The following PRKG1 variants were observed in gnomAD, a reference collection of about 807,000 sequenced individuals.
PRKG1 encodes cGMP-dependent protein kinase 1.
In PRKG1, 35 loss-of-function variants were observed where a neutral mutation model predicts 88.1. The observed-to-expected ratio is 0.40, with a 90% CI of 0.30 to 0.53. The LOEUF (loss-of-function observed/expected upper bound fraction) is 0.53. Ranked by LOEUF, PRKG1 falls within the 20% of genes least tolerant of loss-of-function variation. The probability of loss-of-function intolerance (pLI) is 0.59; values close to 1 mark genes in which losing one functional copy is unlikely to be tolerated. For synonymous variants in PRKG1, 303 were observed against 292.5 expected (o/e 1.04, Z -0.37); for missense variants, 540 against 839.8 (o/e 0.64, Z 4.41).
chr10:51,713,414 C>T (rs1841808595), intron 3 of PRKG1, among the ~76,000 whole-genome samples: 2 of 152,120 alleles, frequency 1.3e-5, no homozygotes, highest in African/African-American at 2.4e-5. Flanking sequence ...ATTATTTTGC[C>T]AAGAAAATTT....
chr10:51,090,732 C>T (rs575549525), intron 1 of PRKG1, among the ~76,000 whole-genome samples: 3 of 152,092 alleles, frequency 2.0e-5, no homozygotes, highest in East Asian at 3.9e-4. Flanking sequence ...ACATTTGCAG[C>T]CACTATATAT....
Position 51,074,914 on chromosome 10 carries a change from G to A in PRKG1, c.311+13G>A. On this transcript the variant is annotated intron_variant, in intron 1 of 17. Coordinates refer to ENST00000373980, the MANE Select transcript of PRKG1 (RefSeq NM_006258.4). ...CCAAGAGCCCACAGTAAGCAGGGGT[G>A]ACGCGCCGGGTCCATGTGGCGCCCT... 1 of 1,584,056 alleles carries A rather than the reference G, an allele frequency of 6.3e-7. No homozygotes were observed. Among genetic ancestry groups the A allele is most frequent in the Non-Finnish European group, 8.6e-7 (1 of 1,160,870 alleles).
At chr10:52,108,326 A>C (rs115368447) in intron 7 of PRKG1, among the ~76,000 whole-genome samples, 1 of 152,204 alleles carries the variant, frequency 6.6e-6, no homozygotes. Flanking sequence ...AATCTGTATG[A>C]TAGTTAGTGA....
chr10:51,823,540 C>G (rs2879614), intron 4 of PRKG1, among the ~76,000 whole-genome samples: 31,726 of 151,700 alleles, frequency 0.21, 5,333 homozygotes, highest in African/African-American at 0.47. Flanking sequence ...TAACATTTGA[C>G]TGTACCTCTC....
intron 10 of PRKG1, among the ~76,000 whole-genome samples, chr10:52,254,335 A>T (rs1340595484): frequency 6.6e-6 from 1 of 152,028 alleles, no homozygotes; most frequent in Non-Finnish European, 1.5e-5. Context: ...TAAGCAATAA[A>T]TCTTCATATA....
At chr10:51,295,645 CTTCTT>C (rs61664932) in intron 2 of PRKG1, among the ~76,000 whole-genome samples, 6 of 151,068 alleles carry the variant, frequency 4.0e-5, no homozygotes, top group South Asian at 2.1e-4. Flanking sequence ...TTCCTTTCCT[CTTCTT>C]TTCTTTTCTT....
At chr10:51,066,063 G>A (rs1460432177) in intron 1 of PRKG1, among the ~76,000 whole-genome samples, 3 of 151,978 alleles carry the variant, frequency 2.0e-5, no homozygotes, top group Non-Finnish European at 4.4e-5. Flanking sequence ...CAGTGAAAGG[G>A]GTTGAGAATA....
At chr10:51,272,002 C>T (rs1329681498) in intron 2 of PRKG1, among the ~76,000 whole-genome samples, 1 of 152,172 alleles carries the variant, frequency 6.6e-6, no homozygotes. Context: ...CACTGTCCTC[C>T]ACAATGGTTG....
intron 3 of PRKG1, among the ~76,000 whole-genome samples, chr10:51,558,878 G>A (rs142261030): frequency 6.6e-6 from 1 of 152,186 alleles, no homozygotes; most frequent in East Asian, 1.9e-4. Context: ...AGAGTGGAAT[G>A]AATACAGTAG....
At chr10:52,228,885 C>A (rs1840458758) in intron 9 of PRKG1, among the ~76,000 whole-genome samples, 1 of 152,148 alleles carries the variant, frequency 6.6e-6, no homozygotes, top group African/African-American at 2.4e-5. Context: ...AACACCTGCA[C>A]TAAGTGAATT....
chr10:52,149,179 A>G (rs555285163), intron 8 of PRKG1, among the ~76,000 whole-genome samples: 2 of 151,902 alleles, frequency 1.3e-5, no homozygotes, highest in Non-Finnish European at 2.9e-5. Context: ...GAAAAGTACG[A>G]TGATAATGTC....
At position 51,756,402 on chromosome 10, in the gene PRKG1, G is replaced by T. The variant is rs573233184; in HGVS notation, c.593-48183G>T. ...GTTGGGAGGCTGAGGTGGGAGGATT[G>T]CTTGAGCCTGGGAGGTTGAGACCAT... is the stretch of plus-strand genomic sequence containing the variant. On this transcript the variant is annotated intron_variant, in intron 3 of 17. Coordinates refer to ENST00000373980, the MANE Select transcript of PRKG1 (RefSeq NM_006258.4). Among the ~76,000 whole-genome samples, 11 of 150,880 alleles carry T rather than the reference G, an allele frequency of 7.3e-5. No homozygotes were observed. In the East Asian group the frequency reaches 1.9e-3, roughly 27 times the overall value.
chr10:51,509,673 AAT>A (rs1841333977), intron 3 of PRKG1, among the ~76,000 whole-genome samples: 1 of 152,240 alleles, frequency 6.6e-6, no homozygotes, highest in South Asian at 2.1e-4. Context: ...AGCCAGCAGT[AAT>A]ATCTTCTGAA....
At position 51,056,751 on chromosome 10, in the gene PRKG1, C is replaced by T. The variant is rs1302453402; in HGVS notation, c.266+65107C>T. On this transcript the variant is annotated intron_variant, in intron 1 of 17. Coordinates refer to the PRKG1 transcript ENST00000401604. ...TTCCAAGATCCTCTTCAATCTGGTC[C>T]TTGTCTGTCTCCTATCTGCCTTTCA... 2.6e-5 allele frequency among the ~76,000 whole-genome samples: 4 copies of T among 152,232 alleles called. No individual in the cohort carries two copies. The East Asian group carries it at 7.7e-4, about 29-fold the overall frequency.
chr10:52,004,828 G>A (rs1186402829), intron 5 of PRKG1, among the ~76,000 whole-genome samples: 3 of 152,158 alleles, frequency 2.0e-5, no homozygotes, highest in Non-Finnish European at 4.4e-5. Context: ...CTGGGAGACT[G>A]AGGTGGGAAG....
At chr10:51,226,578 G>T (rs1318645277) in intron 2 of PRKG1, among the ~76,000 whole-genome samples, 1 of 152,092 alleles carries the variant, frequency 6.6e-6, no homozygotes, top group African/African-American at 2.4e-5. Flanking sequence ...ACTTTGGTCT[G>T]GTTCAATATG....
At chr10:52,065,862 G>A (rs764200303) in intron 7 of PRKG1, among the ~76,000 whole-genome samples, 1 of 151,962 alleles carries the variant, frequency 6.6e-6, no homozygotes, top group Non-Finnish European at 1.5e-5. Flanking sequence ...ATAGAAAGAC[G>A]CCACCTGATT....
chr10:52,085,115 T>G (rs1846878622), intron 7 of PRKG1, among the ~76,000 whole-genome samples: 1 of 152,096 alleles, frequency 6.6e-6, no homozygotes, highest in African/African-American at 2.4e-5. Context: ...TGATATTAAT[T>G]TAGATCTTTC....
At chr10:51,822,363 A>C (rs1839771086) in intron 4 of PRKG1, among the ~76,000 whole-genome samples, 1 of 152,140 alleles carries the variant, frequency 6.6e-6, no homozygotes, top group South Asian at 2.1e-4. Flanking sequence ...GTAGAAACTA[A>C]AAAAAGTAGA....
Sources: allele counts gnomAD v4.1 joint callset (sites outside exome capture counted in the v4.1 genomes callset), GRCh38; gene constraint gnomAD v4.1.1; transcripts MANE v1.5; gene names NCBI Gene and HGNC (gene_info 2026-07-23, HGNC 2026-07-21).